PTK2B: variants seen among roughly 807,000 people sequenced by gnomAD.
PTK2B encodes the protein protein tyrosine kinase 2 beta, also known as protein-tyrosine kinase 2-beta.
A neutral mutation model predicts 142.9 loss-of-function variants in PTK2B; 71 were observed. The observed-to-expected ratio is 0.50, with a 90% CI of 0.41 to 0.61. The LOEUF is 0.61. PTK2B is among the 20% of genes least tolerant of loss of function. The pLI, the probability that PTK2B is intolerant of heterozygous loss-of-function variation, is 0.00. For synonymous variants in PTK2B, 519 were observed against 503.4 expected (o/e 1.03, Z -0.42); for missense variants, 1,105 against 1,320.4 (o/e 0.84, Z 2.53).
chr8:27,425,917 A>C (rs1244226329), intron 5 of PTK2B, among the ~76,000 whole-genome samples: 1 of 152,162 alleles, frequency 6.6e-6, no homozygotes, highest in Non-Finnish European at 1.5e-5. Flanking sequence ...TAAATGCCAA[A>C]TGTTTGATCT....
chr8:27,425,399 TTTAC>T (rs1243107514), intron 5 of PTK2B, among the ~76,000 whole-genome samples: 2 of 152,156 alleles, frequency 1.3e-5, no homozygotes, highest in East Asian at 1.9e-4. Flanking sequence ...TTTATTATAT[TTTAC>T]TTACTTTTTT....
At chr8:27,415,292 C>T (rs532030393) in intron 2 of PTK2B, among the ~76,000 whole-genome samples, 1 of 152,288 alleles carries the variant, frequency 6.6e-6, no homozygotes, top group Admixed American at 6.5e-5. Context: ...TGCAGCCTGG[C>T]ACCAGGGCTT....
Position 27,361,047 on chromosome 8 carries a change from G to A in PTK2B, c.-38+35366G>A, listed in dbSNP as rs115882195. Among the ~76,000 whole-genome samples the A allele has an allele frequency of 2.5e-3, 380 of 152,132 alleles. 2 individuals carry two copies. Among genetic ancestry groups the A allele is most frequent in the African/African-American group, 8.9e-3 (368 of 41,474 alleles). On this transcript the variant is annotated intron_variant, in intron 1 of 30. Transcript: ENST00000346049. ...TACATTGCATAGTAGTAAAGTCTGG[G>A]CTTGTAGTGCAACCATCACCCGAAT...
At chr8:27,361,651 T>C (rs1586160727) in intron 1 of PTK2B, among the ~76,000 whole-genome samples, 1 of 152,266 alleles carries the variant, frequency 6.6e-6, no homozygotes, top group Middle Eastern at 3.4e-3. Context: ...GCACCTTCTC[T>C]GTAAAATTAG....
intron 2 of PTK2B, among the ~76,000 whole-genome samples, chr8:27,403,904 C>T (rs114051494): frequency 6.6e-6 from 1 of 150,632 alleles, no homozygotes; most frequent in African/African-American, 2.5e-5. Context: ...TCTTCCTCCT[C>T]CTCCTCTTCT....
At chr8:27,386,557 T>A (rs1292162516) in intron 1 of PTK2B, among the ~76,000 whole-genome samples, 1 of 152,344 alleles carries the variant, frequency 6.6e-6, no homozygotes, top group African/African-American at 2.4e-5. Context: ...TTTTTAATTT[T>A]CTCAAGTCTT....
intron 2 of PTK2B, among the ~76,000 whole-genome samples, chr8:27,410,271 G>C (rs1222597420): frequency 6.6e-6 from 1 of 152,226 alleles, no homozygotes; most frequent in Non-Finnish European, 1.5e-5. Context: ...GCTAGTGGGA[G>C]GGAAGAAAGC....
intron 30 of PTK2B, among the ~76,000 whole-genome samples, chr8:27,457,691 A>T (rs760053651): frequency 1.3e-5 from 2 of 152,172 alleles, no homozygotes; most frequent in African/African-American, 4.8e-5. Context: ...CCTTCAGTGG[A>T]TGGCTGGGTG....
In PTK2B at chr8:27,458,320, C is replaced by T; in HGVS notation, c.2841C>T (p.Asn947=). The part of the protein sequence containing the change: ...TEIEGTQKLL[N]KDLAELINKM... ...TCGAGGGCACCCAGAAACTGCTCAA[C>T]AAAGACCTGGCAGAGCTCATCAACA... Residue 947 remains asparagine, a synonymous_variant, in exon 31 of 31, where the codon AAC becomes AAT. Coordinates refer to ENST00000346049, the MANE Select transcript of PTK2B (RefSeq NM_173176.3). 1 of 1,614,122 alleles carries T rather than the reference C, an allele frequency of 6.2e-7. No individual in the cohort carries two copies. Among genetic ancestry groups the T allele is most frequent in the Non-Finnish European group, 8.5e-7 (1 of 1,180,010 alleles).
chr8:27,325,199 T>G (rs1248903254), upstream of PTK2B: 1 of 152,260 alleles, frequency 6.6e-6, no homozygotes, highest in Non-Finnish European at 1.5e-5. Flanking sequence ...AGAAGTTGGT[T>G]TCCTCCGCCC....
chr8:27,426,491 A>G (rs1311206353), intron 5 of PTK2B, among the ~76,000 whole-genome samples: 3 of 152,226 alleles, frequency 2.0e-5, no homozygotes, highest in Non-Finnish European at 2.9e-5. Context: ...GACTCAACAC[A>G]GAAAATTGGG....
chr8:27,323,397 C>CA (rs1289644562), upstream of PTK2B: 1 of 152,376 alleles, frequency 6.6e-6, no homozygotes, highest in East Asian at 1.9e-4. Flanking sequence ...AGGCCTTTTT[C>CA]ATTACAGTTT....
intron 1 of PTK2B, among the ~76,000 whole-genome samples, chr8:27,385,921 C>T (rs1005128823): frequency 1.3e-5 from 2 of 150,274 alleles, no homozygotes; most frequent in Non-Finnish European, 3.0e-5. Flanking sequence ...AGACAGTATC[C>T]GAGGAGGAGA....
chr8:27,375,930 A>G (rs567066634), intron 1 of PTK2B, among the ~76,000 whole-genome samples: 1 of 152,236 alleles, frequency 6.6e-6, no homozygotes, highest in Admixed American at 6.5e-5. Flanking sequence ...CACTTGACAC[A>G]TGATGCCAAT....
intron 14 of PTK2B, 33 bp downstream of exon 14, chr8:27,435,826 T>C (rs1245671955): frequency 5.0e-6 from 8 of 1,605,354 alleles, no homozygotes; most frequent in Non-Finnish European, 6.8e-6. Flanking sequence ...GCGACCGTAG[T>C]CAAGGCCCTG....
At chr8:27,340,251 A>G (rs1410378943) in intron 1 of PTK2B, among the ~76,000 whole-genome samples, 1 of 152,222 alleles carries the variant, frequency 6.6e-6, no homozygotes, top group Non-Finnish European at 1.5e-5. Context: ...AGCAGATGCC[A>G]TGGAGGCAGG....
intron 13 of PTK2B, 109 bp downstream of exon 13, chr8:27,434,668 A>G: frequency 7.9e-7 from 1 of 1,260,148 alleles, no homozygotes; most frequent in South Asian, 1.3e-5. Flanking sequence ...TGACAGAAAA[A>G]TGATCCTCTC....
chr8:27,314,333 T>C (rs1461961806), intron 3 of PTK2B, among the ~76,000 whole-genome samples: 4 of 152,206 alleles, frequency 2.6e-5, no homozygotes, highest in Non-Finnish European at 5.9e-5. Context: ...CTCACACCTG[T>C]AACCCCAGCA....
In PTK2B at chr8:27,379,739, G is replaced by A. The variant is rs904687136; in HGVS notation, c.-37-17809G>A. Among the ~76,000 whole-genome samples, 12 of 152,210 alleles carry A rather than the reference G, an allele frequency of 7.9e-5. No individual in the cohort carries two copies. The South Asian group carries it at 2.1e-3, about 26-fold the overall frequency. ...TCTCCATCCAGGTGAGAACAGCATC[G>A]CAGGGAAAAATCTGTGCATTTTATT... On this transcript the variant is annotated intron_variant, in intron 1 of 30. Transcript: ENST00000346049.
Sources: allele counts gnomAD v4.1 joint callset (sites outside exome capture counted in the v4.1 genomes callset), GRCh38; gene constraint gnomAD v4.1.1; transcripts MANE v1.5; gene names NCBI Gene and HGNC (gene_info 2026-07-23, HGNC 2026-07-21).